The following SLIT2 variants were observed in gnomAD, a reference collection of about 807,000 sequenced individuals.
The protein encoded by SLIT2 is slit homolog 2 protein.
SLIT2 carries 41 observed loss-of-function variants against 185.7 expected under a neutral mutation model. That is an observed-to-expected ratio of 0.22 (90% confidence interval 0.17 to 0.29). The LOEUF (loss-of-function observed/expected upper bound fraction) is 0.29, where lower values mean the gene tolerates loss of function less well. SLIT2 is among the 10% of genes least tolerant of loss of function. The pLI, the probability that SLIT2 is intolerant of heterozygous loss-of-function variation, is 1.00. For missense variants in SLIT2, 1,571 were observed against 1,909.0 expected, an observed-to-expected ratio of 0.82 and a Z score of 3.30; for synonymous variants, 693 against 680.2, an observed-to-expected ratio of 1.02 and a Z score of -0.29.
chr4:20,520,216 C>T (rs1176544231), intron 12 of SLIT2, among the ~76,000 whole-genome samples: 1 of 152,048 alleles, frequency 6.6e-6, no homozygotes. Flanking sequence ...TCAAAGACCA[C>T]TCTGATTAGA....
chr4:20,606,882 G>A lies in SLIT2; in HGVS notation c.3693-3131G>A, dbSNP rs115445973. Among the ~76,000 whole-genome samples, 1,192 of 152,270 alleles carry A rather than the reference G, an allele frequency of 7.8e-3. 17 individuals are homozygous for A. The highest frequency in any genetic ancestry group is 0.024 in the Middle Eastern group (7 of 294). On this transcript the variant is annotated intron_variant, in intron 33 of 36. Coordinates refer to ENST00000504154, the MANE Select transcript of SLIT2 (RefSeq NM_004787.4). ...CCAGGCTATTTGGGACAGAAATCAT[G>A]TATTAAAAGCTTGTTAGTGGTGAAA...
At chr4:20,552,694 A>C (rs1431991412) in intron 25 of SLIT2, 1 of 152,178 alleles carries the variant, frequency 6.6e-6, no homozygotes, top group Non-Finnish European at 1.5e-5. Flanking sequence ...CACAGTATCG[A>C]GTATTATGAT....
chr4:20,568,827 A>G (rs1560202501), intron 28 of SLIT2, 38 bp from the exon 29 acceptor site: 3 of 1,595,104 alleles, frequency 1.9e-6, no homozygotes, highest in Non-Finnish European at 2.6e-6. Flanking sequence ...AAAATGCAAC[A>G]AAAAGATGTT....
chr4:20,318,910 T>C (rs887913346), intron 4 of SLIT2, among the ~76,000 whole-genome samples: 1 of 152,154 alleles, frequency 6.6e-6, no homozygotes, highest in Admixed American at 6.5e-5. Flanking sequence ...TTAAGTAATA[T>C]ATATGGTGGA....
chr4:20,452,992 A>T (rs1712645808), intron 4 of SLIT2, among the ~76,000 whole-genome samples: 1 of 152,212 alleles, frequency 6.6e-6, no homozygotes. Context: ...TTTTACATAC[A>T]GTTCAGAAAT....
rs61789405 is a variant in SLIT2 at position 20,395,421 on chromosome 4, A to G, written c.396-72331A>G. On this transcript the variant is annotated intron_variant, in intron 4 of 36. Transcript: ENST00000504154. The stretch of plus-strand genomic sequence containing the variant: ...CATAGGCAGGAACCTGATTGAGGGC[A>G]TGGAACAAAGGATATGGATTTTATT... Among the ~76,000 whole-genome samples, 230 of 152,166 alleles carry G rather than the reference A, an allele frequency of 1.5e-3. 1 individual carries two copies. Among genetic ancestry groups the G allele is most frequent in the East Asian group, 2.9e-3 (15 of 5,156 alleles).
At chr4:20,366,272 C>T (rs1035136919) in intron 4 of SLIT2, among the ~76,000 whole-genome samples, 1 of 152,110 alleles carries the variant, frequency 6.6e-6, no homozygotes, top group Admixed American at 6.6e-5. Flanking sequence ...CTCAACACTT[C>T]GTACAATGTA....
intron 29 of SLIT2, among the ~76,000 whole-genome samples, chr4:20,582,091 A>T (rs1301179112): frequency 2.0e-5 from 3 of 151,992 alleles, no homozygotes; most frequent in African/African-American, 7.2e-5. Context: ...CCATGCCCCG[A>T]CTCAAAACCT....
chr4:20,573,179 C>T (rs976969683), intron 29 of SLIT2: 16 of 702,696 alleles, frequency 2.3e-5, no homozygotes, highest in Non-Finnish European at 3.6e-5. Flanking sequence ...CTGTGCTCTG[C>T]TGTTGTATTG....
At chr4:20,580,335 G>C (rs1560212035) in intron 29 of SLIT2, among the ~76,000 whole-genome samples, 2 of 151,360 alleles carry the variant, frequency 1.3e-5, no homozygotes, top group Admixed American at 1.3e-4. Context: ...ACTGTGCCCG[G>C]TTGATATAAT....
At chr4:20,265,574 TA>T (rs1306598496) in intron 3 of SLIT2, among the ~76,000 whole-genome samples, 1 of 151,874 alleles carries the variant, frequency 6.6e-6, no homozygotes, top group Non-Finnish European at 1.5e-5. Flanking sequence ...GGTTTAGACA[TA>T]TAAAGATCAC....
chr4:20,379,076 T>C (rs2109337211), intron 4 of SLIT2, among the ~76,000 whole-genome samples: 1 of 152,268 alleles, frequency 6.6e-6, no homozygotes, highest in African/African-American at 2.4e-5. Context: ...TACTAAATAA[T>C]GGTAGATGCA....
chr4:20,578,973 C>T (rs1224986382), intron 29 of SLIT2, among the ~76,000 whole-genome samples: 1 of 152,066 alleles, frequency 6.6e-6, no homozygotes, highest in African/African-American at 2.4e-5. Flanking sequence ...TCCCATTGCC[C>T]AGATTTCTTG....
intron 4 of SLIT2, among the ~76,000 whole-genome samples, chr4:20,439,862 T>G (rs1191367157): frequency 1.3e-5 from 2 of 152,230 alleles, no homozygotes; most frequent in Non-Finnish European, 2.9e-5. Flanking sequence ...GTTCAGCTCC[T>G]GCCCTTGAGG....
chr4:20,345,303 C>T (rs1721293655), intron 4 of SLIT2, among the ~76,000 whole-genome samples: 2 of 151,970 alleles, frequency 1.3e-5, no homozygotes, highest in South Asian at 2.1e-4. Context: ...TATTTTTATC[C>T]ACATCTCCTT....
At chr4:20,610,848 C>G (rs1385584015) in intron 34 of SLIT2, among the ~76,000 whole-genome samples, 1 of 151,902 alleles carries the variant, frequency 6.6e-6, no homozygotes. Context: ...GAGTGAAGAC[C>G]CTGGGCTTTA....
At chr4:20,607,195 C>T (rs577785911) in intron 33 of SLIT2, among the ~76,000 whole-genome samples, 1 of 152,250 alleles carries the variant, frequency 6.6e-6, no homozygotes, top group African/African-American at 2.4e-5. Flanking sequence ...CACCTAAGGT[C>T]ACACTAACCA....
intron 4 of SLIT2, among the ~76,000 whole-genome samples, chr4:20,462,199 G>A (rs1299357965): frequency 6.6e-6 from 1 of 152,008 alleles, no homozygotes; most frequent in Non-Finnish European, 1.5e-5. Flanking sequence ...CTTTTCTTTG[G>A]GATGAGCTTC....
At chr4:20,322,245 G>C (rs1365828237) in intron 4 of SLIT2, among the ~76,000 whole-genome samples, 1 of 152,154 alleles carries the variant, frequency 6.6e-6, no homozygotes, top group Non-Finnish European at 1.5e-5. Context: ...ACAACTTCAG[G>C]AGATTCTGAT....
Sources: gnomAD v4.1 joint callset for allele counts (sites outside exome capture counted in the v4.1 genomes callset) on GRCh38, gnomAD v4.1.1 for gene constraint, MANE v1.5 for transcripts, NCBI Gene and HGNC (gene_info 2026-07-23, HGNC 2026-07-21) for gene names.